DOCK4: variants seen among roughly 807,000 people sequenced by gnomAD.
DOCK4 encodes the protein dedicator of cytokinesis protein 4.
In DOCK4, 97 loss-of-function variants were observed where a neutral mutation model predicts 268.1. That is an observed-to-expected ratio of 0.36 (90% CI 0.31 to 0.43). The LOEUF (loss-of-function observed/expected upper bound fraction) is 0.43, where lower values mean the gene tolerates loss of function less well. Among genes scored for constraint, DOCK4 ranks in the 20% least tolerant of loss-of-function variants. The pLI is 1.00. For missense variants in DOCK4, 2,145 were observed against 2,455.7 expected (o/e 0.87, Z 2.67); for synonymous variants, 954 against 887.2 (o/e 1.08, Z -1.34).
chr7:111,870,643 A>G (rs1286429303), intron 20 of DOCK4, among the ~76,000 whole-genome samples: 1 of 152,148 alleles, frequency 6.6e-6, no homozygotes, highest in Non-Finnish European at 1.5e-5. Flanking sequence ...TCTAGGAAAC[A>G]GTTTACCCAG....
chr7:112,157,937 T>C (rs1816770805), intron 1 of DOCK4, among the ~76,000 whole-genome samples: 1 of 152,140 alleles, frequency 6.6e-6, no homozygotes, highest in Non-Finnish European at 1.5e-5. Flanking sequence ...GTGGAGAGGA[T>C]GAATCTAGTA....
intron 2 of DOCK4, 39 bp downstream of exon 2, chr7:112,004,009 C>G (rs995050224): frequency 6.8e-7 from 1 of 1,461,354 alleles, no homozygotes; most frequent in Non-Finnish European, 9.4e-7. Flanking sequence ...ACTTTATGAA[C>G]AGCCGTATGT....
At chr7:112,178,076 T>C (rs953934378) in intron 1 of DOCK4, among the ~76,000 whole-genome samples, 2 of 152,240 alleles carry the variant, frequency 1.3e-5, no homozygotes, top group African/African-American at 4.8e-5. Context: ...CCAAAATGCT[T>C]ACTAACATCA....
intron 26 of DOCK4, among the ~76,000 whole-genome samples, chr7:111,828,069 T>G (rs1802537390): frequency 6.6e-6 from 1 of 152,140 alleles, no homozygotes; most frequent in Non-Finnish European, 1.5e-5. Flanking sequence ...GCCAAGGATA[T>G]GGACAAAACT....
At chr7:112,097,300 G>C (rs899720431) in intron 1 of DOCK4, among the ~76,000 whole-genome samples, 2 of 152,178 alleles carry the variant, frequency 1.3e-5, no homozygotes, top group Non-Finnish European at 2.9e-5. Flanking sequence ...TTGGCAGGGC[G>C]TCATGGCTCA....
chr7:111,824,291 G>A (rs1007928695), intron 26 of DOCK4, among the ~76,000 whole-genome samples: 1 of 152,002 alleles, frequency 6.6e-6, no homozygotes, highest in Non-Finnish European at 1.5e-5. Flanking sequence ...GAGTTACTCA[G>A]ACATATATAT....
chr7:111,818,170 G>A (rs1801698384), intron 27 of DOCK4, among the ~76,000 whole-genome samples: 1 of 152,182 alleles, frequency 6.6e-6, no homozygotes, highest in Non-Finnish European at 1.5e-5. Context: ...GCTCAGTCCT[G>A]TCTTTTTCTC....
intron 26 of DOCK4, among the ~76,000 whole-genome samples, chr7:111,826,737 G>C (rs1802424846): frequency 6.6e-6 from 1 of 151,980 alleles, no homozygotes; most frequent in African/African-American, 2.4e-5. Context: ...AAGAAGGGAG[G>C]GAGGGAGAAA....
intron 1 of DOCK4, among the ~76,000 whole-genome samples, chr7:112,029,798 A>C (rs1803121310): frequency 6.6e-6 from 1 of 152,238 alleles, no homozygotes; most frequent in Non-Finnish European, 1.5e-5. Flanking sequence ...TCTTAGAAGT[A>C]TAAACTACTG....
intron 8 of DOCK4, among the ~76,000 whole-genome samples, chr7:111,955,698 A>G (rs1796401411): frequency 6.6e-6 from 1 of 152,232 alleles, no homozygotes; most frequent in Non-Finnish European, 1.5e-5. Flanking sequence ...TTCAATAAAA[A>G]AGGAATATAA....
At chr7:112,062,523 A>C (rs966854019) in intron 1 of DOCK4, among the ~76,000 whole-genome samples, 1 of 152,200 alleles carries the variant, frequency 6.6e-6, no homozygotes, top group Non-Finnish European at 1.5e-5. Context: ...GACCATCAAG[A>C]TGTGCTAATA....
intron 25 of DOCK4, among the ~76,000 whole-genome samples, chr7:111,840,281 T>C (rs1803577095): frequency 6.6e-6 from 1 of 152,194 alleles, no homozygotes. Flanking sequence ...CAAACCGACA[T>C]CACATGAAAA....
chr7:111,897,774 T>C (rs2134395972), intron 15 of DOCK4, among the ~76,000 whole-genome samples: 1 of 152,346 alleles, frequency 6.6e-6, no homozygotes, highest in South Asian at 2.1e-4. Flanking sequence ...CTTGACATCT[T>C]GAGTGTCTAA....
chr7:111,791,816 C>T (rs6952833), intron 30 of DOCK4, among the ~76,000 whole-genome samples: 8,451 of 152,238 alleles, frequency 0.056, 745 homozygotes, highest in African/African-American at 0.19. Context: ...GCCATCCACC[C>T]GCCTCGGCCT....
At chr7:111,834,467 C>T (rs1803080602) in intron 26 of DOCK4, 121 bp downstream of exon 26, 3 of 761,226 alleles carry the variant, frequency 3.9e-6, no homozygotes, top group South Asian at 3.8e-5. Context: ...CTGAGAAAAA[C>T]AGCTTAGAAC....
At chr7:112,073,631 T>C (rs749161243) in intron 1 of DOCK4, among the ~76,000 whole-genome samples, 2 of 152,166 alleles carry the variant, frequency 1.3e-5, no homozygotes, top group African/African-American at 2.4e-5. Context: ...GAAGATATTA[T>C]GTTAAGCAAA....
chr7:112,036,270 T>C (rs1156739117), intron 1 of DOCK4, among the ~76,000 whole-genome samples: 1 of 151,220 alleles, frequency 6.6e-6, no homozygotes, highest in African/African-American at 2.4e-5. Flanking sequence ...AAACAAGAAA[T>C]GAATAAAAAT....
chr7:111,863,019 T>C (rs906761000), intron 23 of DOCK4: 27 of 228,074 alleles, frequency 1.2e-4, no homozygotes, highest in African/African-American at 5.7e-4. Context: ...AAAACAACAA[T>C]AATGCAAAGT....
intron 27 of DOCK4, 62 bp from the exon 28 acceptor site, chr7:111,812,011 A>G: frequency 1.1e-6 from 1 of 902,288 alleles, no homozygotes; most frequent in Non-Finnish European, 1.7e-6. Context: ...TTAGTATACA[A>G]GAATAAAAAC....
Sources: gnomAD v4.1 joint callset for allele counts (sites outside exome capture counted in the v4.1 genomes callset) on GRCh38, gnomAD v4.1.1 for gene constraint, MANE v1.5 for transcripts, NCBI Gene and HGNC (gene_info 2026-07-23, HGNC 2026-07-21) for gene names.